EPHA3: variants seen among roughly 807,000 people sequenced by gnomAD.
The protein encoded by EPHA3 is ephrin type-A receptor 3.
A neutral mutation model predicts 107.1 loss-of-function variants in EPHA3; 42 were observed. The ratio of observed to expected loss-of-function variants is 0.39; its 90% CI spans 0.31 to 0.51. The LOEUF is 0.51. Ranked by LOEUF, EPHA3 falls within the 20% of genes least tolerant of loss-of-function variation. The pLI is 0.78. For missense variants in EPHA3, 1,183 were observed against 1,211.2 expected (o/e 0.98, Z 0.35); for synonymous variants, 461 against 424.8 (o/e 1.09, Z -1.05).
intron 5 of EPHA3, among the ~76,000 whole-genome samples, chr3:89,377,061 G>A (rs939418920): frequency 6.6e-6 from 1 of 151,880 alleles, no homozygotes; most frequent in African/African-American, 2.4e-5. Flanking sequence ...AAATGTAATT[G>A]CCAGGGGTTT....
At chr3:89,111,090 T>G (rs963081388) in intron 1 of EPHA3, among the ~76,000 whole-genome samples, 1 of 152,006 alleles carries the variant, frequency 6.6e-6, no homozygotes, top group African/African-American at 2.4e-5. Context: ...AAGACTTTTT[T>G]TAGTAGCTAA....
intron 3 of EPHA3, among the ~76,000 whole-genome samples, chr3:89,282,818 G>A (rs940288147): frequency 6.6e-6 from 1 of 152,010 alleles, no homozygotes; most frequent in African/African-American, 2.4e-5. Context: ...ACTGAAATGT[G>A]TTATGACTTT....
intron 3 of EPHA3, among the ~76,000 whole-genome samples, chr3:89,292,165 C>G (rs541093658): frequency 6.6e-6 from 1 of 152,224 alleles, no homozygotes; most frequent in Admixed American, 6.5e-5. Flanking sequence ...ATAAGAATTA[C>G]AGTTAGCGCC....
chr3:89,354,067 G>T (rs1707892266), intron 5 of EPHA3, among the ~76,000 whole-genome samples: 1 of 151,280 alleles, frequency 6.6e-6, no homozygotes, highest in Admixed American at 6.6e-5. Flanking sequence ...CTAACTTGTT[G>T]TATGTTAACT....
chr3:89,221,674 C>T (rs939873224), intron 3 of EPHA3, among the ~76,000 whole-genome samples: 8 of 152,120 alleles, frequency 5.3e-5, no homozygotes, highest in African/African-American at 1.7e-4. Flanking sequence ...CAAAGCCTTA[C>T]GAGGTAAATC....
At chr3:89,165,906 A>G (rs1688604626) in intron 2 of EPHA3, among the ~76,000 whole-genome samples, 1 of 152,160 alleles carries the variant, frequency 6.6e-6, no homozygotes, top group African/African-American at 2.4e-5. Flanking sequence ...TTTTCCCAGA[A>G]CACTTTTCCC....
At chr3:89,423,119 C>A (rs114003687) in intron 11 of EPHA3, among the ~76,000 whole-genome samples, 3 of 151,298 alleles carry the variant, frequency 2.0e-5, no homozygotes, top group Non-Finnish European at 3.0e-5. Context: ...TTTCACCTAG[C>A]GAAATAGAAG....
chr3:89,456,155 T>C (rs1260411863), intron 15 of EPHA3, among the ~76,000 whole-genome samples: 2 of 152,208 alleles, frequency 1.3e-5, no homozygotes, highest in East Asian at 1.9e-4. Flanking sequence ...ATTGATCATA[T>C]GGTAAAAGCC....
intron 3 of EPHA3, among the ~76,000 whole-genome samples, chr3:89,233,765 G>A (rs1201906640): frequency 2.0e-5 from 3 of 152,224 alleles, no homozygotes; most frequent in Non-Finnish European, 4.4e-5. Flanking sequence ...GTCAGCTGGA[G>A]TGTATGTTTT....
intron 15 of EPHA3, among the ~76,000 whole-genome samples, chr3:89,452,098 A>G (rs1315849570): frequency 6.6e-6 from 1 of 152,170 alleles, no homozygotes; most frequent in African/African-American, 2.4e-5. Flanking sequence ...TTTTTTATCC[A>G]TTCTTCTGTC....
At chr3:89,110,182 T>C (rs1205536045) in intron 1 of EPHA3, among the ~76,000 whole-genome samples, 1 of 151,980 alleles carries the variant, frequency 6.6e-6, no homozygotes, top group Non-Finnish European at 1.5e-5. Context: ...AGACTGTATT[T>C]AAAATATTAT....
At chr3:89,450,112 A>G in intron 14 of EPHA3, 65 bp from the exon 15 acceptor site, 1 of 1,380,210 alleles carries the variant, frequency 7.2e-7, no homozygotes, top group Non-Finnish European at 9.7e-7. Context: ...CCGCCCATGA[A>G]AACGTAAACT....
intron 2 of EPHA3, among the ~76,000 whole-genome samples, chr3:89,181,238 G>T (rs1224296832): frequency 6.6e-6 from 1 of 151,904 alleles, no homozygotes; most frequent in Non-Finnish European, 1.5e-5. Context: ...TTTCAAAATT[G>T]TAATAGGCAT....
chr3:89,218,174 T>C (rs1430176336), intron 3 of EPHA3, among the ~76,000 whole-genome samples: 1 of 152,114 alleles, frequency 6.6e-6, no homozygotes, highest in Non-Finnish European at 1.5e-5. Context: ...AGTTTTAGGG[T>C]ACATGTGCAC....
At chr3:89,125,124 A>G (rs1704065442) in intron 1 of EPHA3, among the ~76,000 whole-genome samples, 1 of 151,880 alleles carries the variant, frequency 6.6e-6, no homozygotes, top group African/African-American at 2.4e-5. Flanking sequence ...AGATTAAACT[A>G]GTGATTGATC....
Position 89,475,176 on chromosome 3 carries a change from T to G in EPHA3, c.2846+2557T>G, listed in dbSNP as rs188918300. Among the ~76,000 whole-genome samples, 4 of 152,288 alleles carry G rather than the reference T, an allele frequency of 2.6e-5. No individual in the cohort carries two copies. In the East Asian group the frequency reaches 7.7e-4, roughly 29 times the overall value. Reference sequence around the variant, plus strand: ...TTAAAAGTCTTTAACATACTAATAATTTGGGTAAATATAATGAGGCAACAT... The same window carrying G: ...TTAAAAGTCTTTAACATACTAATAAGTTGGGTAAATATAATGAGGCAACAT... On this transcript the variant is annotated intron_variant, in intron 16 of 16. Transcript: ENST00000336596.
chr3:89,191,468 G>T (rs547152132), intron 2 of EPHA3, among the ~76,000 whole-genome samples: 135 of 151,748 alleles, frequency 8.9e-4, no homozygotes, highest in African/African-American at 2.9e-3. Flanking sequence ...CACCACGCCC[G>T]GCTAATTTTT....
intron 15 of EPHA3, among the ~76,000 whole-genome samples, chr3:89,451,880 C>CGT (rs146055053): frequency 0.026 from 3,704 of 144,234 alleles, 50 homozygotes; most frequent in East Asian, 0.031. Context: ...TCAAGCAGGG[C>CGT]GTGTGTGTGT....
chr3:89,183,842 T>G (rs1052222496), intron 2 of EPHA3, among the ~76,000 whole-genome samples: 1 of 151,940 alleles, frequency 6.6e-6, no homozygotes, highest in African/African-American at 2.4e-5. Flanking sequence ...GAAATTCATT[T>G]GCAAAACTCT....
Sources: allele counts gnomAD v4.1 joint callset (sites outside exome capture counted in the v4.1 genomes callset), GRCh38; gene constraint gnomAD v4.1.1; transcripts MANE v1.5; gene names NCBI Gene and HGNC (gene_info 2026-07-23, HGNC 2026-07-21).